Variants in CAMKMT observed in about 807,000 individuals in gnomAD.
CAMKMT encodes calmodulin-lysine N-methyltransferase.
CAMKMT carries 53 observed loss-of-function variants against 48.0 expected under a neutral mutation model. That is an observed-to-expected ratio of 1.10 (90% confidence interval 0.89 to 1.39). The LOEUF (loss-of-function observed/expected upper bound fraction) is 1.39. CAMKMT is among the 40% of genes most tolerant of loss of function. The pLI is 0.00. For missense variants in CAMKMT, 428 were observed against 402.7 expected (o/e 1.06, Z -0.54); for synonymous variants, 165 against 152.3 (o/e 1.08, Z -0.61).
intron 3 of CAMKMT, among the ~76,000 whole-genome samples, chr2:44,669,249 T>C (rs890363577): frequency 6.6e-6 from 1 of 152,252 alleles, no homozygotes; most frequent in Non-Finnish European, 1.5e-5. Context: ...TTTTAAAAAA[T>C]TCATATGGTG....
intron 3 of CAMKMT, among the ~76,000 whole-genome samples, chr2:44,573,816 A>G (rs990708846): frequency 3.3e-5 from 5 of 151,996 alleles, no homozygotes; most frequent in Non-Finnish European, 5.9e-5. Context: ...GTATTAGTTT[A>G]TTTTTTCTTC....
chr2:44,627,019 A>G (rs1393177268), intron 3 of CAMKMT, among the ~76,000 whole-genome samples: 1 of 152,146 alleles, frequency 6.6e-6, no homozygotes, highest in East Asian at 1.9e-4. Flanking sequence ...TTTTTGGTGA[A>G]TGTCCTTTAT....
intron 3 of CAMKMT, among the ~76,000 whole-genome samples, chr2:44,460,911 T>G (rs1667815991): frequency 6.6e-6 from 1 of 151,972 alleles, no homozygotes; most frequent in African/African-American, 2.4e-5. Flanking sequence ...TTGGTAAAGA[T>G]GGCTTTTTGC....
At chr2:44,577,815 C>G (rs6713636) in intron 3 of CAMKMT, among the ~76,000 whole-genome samples, 13,766 of 152,024 alleles carry the variant, frequency 0.091, 765 homozygotes, top group Admixed American at 0.19. Flanking sequence ...TGCAGTGGAC[C>G]CAATTAAATA....
chr2:44,714,085 G>T (rs1437615518), intron 6 of CAMKMT, among the ~76,000 whole-genome samples: 1 of 152,134 alleles, frequency 6.6e-6, no homozygotes, highest in Non-Finnish European at 1.5e-5. Flanking sequence ...GGAAAGTGAG[G>T]GCAGTTGGAA....
In CAMKMT at chr2:44,614,953, T is replaced by TTTTTTTTTTTC. The variant is rs1459090690; in HGVS notation, c.377-89323_377-89322insTTTCTTTTTTT. Among the ~76,000 whole-genome samples, 848 of 133,366 alleles carry TTTTTTTTTTTC rather than the reference T, an allele frequency of 6.4e-3. 48 individuals carry two copies. Among genetic ancestry groups the TTTTTTTTTTTC allele is most frequent in the African/African-American group, 0.024 (809 of 33,202 alleles). The allele number at this position is 133,366 out of a possible 152,430, so 87.5% of individuals were successfully genotyped here. The stretch of plus-strand genomic sequence containing the variant: ...TCTCCTTGCTTTTTTTTTTTTTTTT[T>TTTTTTTTTTTC]TTTTTTTGAGACAGGGTCTTGCTCT... On this transcript the variant is annotated intron_variant, in intron 3 of 10. Coordinates refer to ENST00000378494, the MANE Select transcript of CAMKMT (RefSeq NM_024766.5).
At chr2:44,400,996 C>T (rs1682329819) in intron 3 of CAMKMT, 2 of 139,936 alleles carry the variant, frequency 1.4e-5, no homozygotes, top group East Asian at 2.1e-4. Flanking sequence ...ACTTGTTCTT[C>T]ATTTGGTTCT....
intron 3 of CAMKMT, among the ~76,000 whole-genome samples, chr2:44,539,487 G>T (rs753476743): frequency 6.6e-6 from 1 of 152,032 alleles, no homozygotes; most frequent in African/African-American, 2.4e-5. Flanking sequence ...ATCAAAATCA[G>T]GAAATTTGAT....
chr2:44,563,290 C>G (rs537607789), intron 3 of CAMKMT, among the ~76,000 whole-genome samples: 1 of 151,494 alleles, frequency 6.6e-6, no homozygotes, highest in Non-Finnish European at 1.5e-5. Flanking sequence ...TGTTTTATAA[C>G]CTGACTTTTT....
intron 3 of CAMKMT, among the ~76,000 whole-genome samples, chr2:44,702,477 C>T (rs1315603868): frequency 2.0e-5 from 3 of 152,120 alleles, no homozygotes; most frequent in African/African-American, 7.2e-5. Context: ...GTATTTTACT[C>T]ATCTCTCAGG....
intron 3 of CAMKMT, among the ~76,000 whole-genome samples, chr2:44,602,594 A>G (rs980845210): frequency 6.6e-6 from 1 of 152,052 alleles, no homozygotes; most frequent in Non-Finnish European, 1.5e-5. Flanking sequence ...CAGTTCCACA[A>G]GCTTAACAGG....
intron 3 of CAMKMT, among the ~76,000 whole-genome samples, chr2:44,528,187 T>C (rs1397365672): frequency 6.6e-6 from 1 of 152,172 alleles, no homozygotes; most frequent in Non-Finnish European, 1.5e-5. Context: ...AGCATTTTTT[T>C]TCTTTTTTTG....
chr2:44,631,977 A>C (rs768357787), intron 3 of CAMKMT, among the ~76,000 whole-genome samples: 1 of 151,970 alleles, frequency 6.6e-6, no homozygotes, highest in Non-Finnish European at 1.5e-5. Flanking sequence ...ATATACTTCC[A>C]CTTCCCCACC....
At chr2:44,552,453 T>G (rs917414219) in intron 3 of CAMKMT, among the ~76,000 whole-genome samples, 9 of 152,156 alleles carry the variant, frequency 5.9e-5, no homozygotes, top group Admixed American at 5.9e-4. Flanking sequence ...AGATTTTACT[T>G]GGTGATCTTT....
intron 7 of CAMKMT, among the ~76,000 whole-genome samples, chr2:44,719,711 T>C (rs1382310562): frequency 2.0e-5 from 3 of 152,190 alleles, no homozygotes; most frequent in African/African-American, 7.2e-5. Flanking sequence ...CATCCATTTC[T>C]ACATCAGATA....
chr2:44,732,183 G>T (rs1006181174), intron 7 of CAMKMT, among the ~76,000 whole-genome samples: 5 of 152,084 alleles, frequency 3.3e-5, no homozygotes, highest in African/African-American at 7.2e-5. Flanking sequence ...CAAACTCTTG[G>T]CCTCAAGCAA....
intron 3 of CAMKMT, among the ~76,000 whole-genome samples, chr2:44,487,162 A>C (rs756766634): frequency 1.3e-5 from 2 of 152,232 alleles, no homozygotes; most frequent in African/African-American, 2.4e-5. Context: ...GTAGAAACTT[A>C]AAAAGGCCTG....
At chr2:44,406,995 A>C (rs1682826443) in intron 3 of CAMKMT, among the ~76,000 whole-genome samples, 1 of 152,172 alleles carries the variant, frequency 6.6e-6, no homozygotes, top group African/African-American at 2.4e-5. Flanking sequence ...TGGATTCCAG[A>C]CATCGTGTGT....
At chr2:44,725,115 C>G (rs17390720) in intron 7 of CAMKMT, among the ~76,000 whole-genome samples, 26,103 of 149,300 alleles carry the variant, frequency 0.17, 2,986 homozygotes, top group Middle Eastern at 0.28. Flanking sequence ...GCCTGGATCT[C>G]TTTTACAGCA....
Sources: allele counts gnomAD v4.1 joint callset (sites outside exome capture counted in the v4.1 genomes callset), GRCh38; gene constraint gnomAD v4.1.1; transcripts MANE v1.5; gene names NCBI Gene and HGNC (gene_info 2026-07-23, HGNC 2026-07-21).